The following PJA2 variants were observed in gnomAD, a reference collection of about 807,000 sequenced individuals.
PJA2 encodes praja ring finger ubiquitin ligase 2.
In PJA2, 25 loss-of-function variants were observed where a neutral mutation model predicts 69.3. The ratio of observed to expected loss-of-function variants is 0.36; its 90% CI spans 0.26 to 0.50. PJA2 has a LOEUF of 0.50. Ranked by LOEUF, PJA2 falls within the 20% of genes least tolerant of loss-of-function variation. The pLI is 0.96. For synonymous variants in PJA2, 308 were observed against 277.8 expected, an observed-to-expected ratio of 1.11 and a Z score of -1.08; for missense variants, 809 against 830.2, an observed-to-expected ratio of 0.97 and a Z score of 0.31.
At chr5:109,408,048 G>A (rs563242525) in intron 1 of PJA2, among the ~76,000 whole-genome samples, 2 of 152,208 alleles carry the variant, frequency 1.3e-5, no homozygotes, top group South Asian at 2.1e-4. Flanking sequence ...GTAATAAAGA[G>A]GGAGAAAGGG....
intron 4 of PJA2, among the ~76,000 whole-genome samples, chr5:109,373,631 T>C (rs1020608026): frequency 1.3e-5 from 2 of 152,186 alleles, no homozygotes; most frequent in Non-Finnish European, 2.9e-5. Flanking sequence ...CCATTTGTTC[T>C]AGATTTTAAA....
At chr5:109,341,339 C>G (rs2126984521) in intron 9 of PJA2, among the ~76,000 whole-genome samples, 1 of 150,584 alleles carries the variant, frequency 6.6e-6, no homozygotes, top group East Asian at 2.0e-4. Context: ...GAGACCCCGT[C>G]TGGGAGGTGA....
In PJA2 at chr5:109,337,148, T is replaced by C; in HGVS notation, c.*83A>G. 2 of 1,281,702 alleles carry C rather than the reference T, an allele frequency of 1.6e-6. No homozygotes were observed. The highest frequency in any genetic ancestry group is 1.6e-5 in the African/African-American group (1 of 63,842). The allele number at this position is 1,281,702 out of a possible 1,614,324, so 79.4% of individuals were successfully genotyped here. A position where few individuals can be genotyped will look rare whatever the true frequency, so the allele number is the denominator to read the frequency against. ...TATATATAGCATTTTTAAATATATT[T>C]ATATATAATTATTTGCACATGAAAT... On this transcript the variant is annotated 3_prime_UTR_variant, in exon 10 of 10. Coordinates refer to ENST00000361189, the MANE Select transcript of PJA2 (RefSeq NM_014819.5).
chr5:109,405,725 C>A (rs1457082772), intron 1 of PJA2, among the ~76,000 whole-genome samples: 1 of 152,162 alleles, frequency 6.6e-6, no homozygotes, highest in Non-Finnish European at 1.5e-5. Flanking sequence ...ACACCATATA[C>A]AAAAACTAAC....
chr5:109,355,321 T>C (rs1762396522), intron 7 of PJA2, among the ~76,000 whole-genome samples: 2 of 152,200 alleles, frequency 1.3e-5, no homozygotes, highest in Non-Finnish European at 2.9e-5. Flanking sequence ...TGAAATCCAC[T>C]GGTACAGTAG....
intron 7 of PJA2, among the ~76,000 whole-genome samples, chr5:109,347,913 G>C (rs1471337148): frequency 6.6e-6 from 1 of 151,944 alleles, no homozygotes; most frequent in African/African-American, 2.4e-5. Context: ...CTCTCTCTTG[G>C]GACTGAACTC....
chr5:109,355,873 A>G, intron 7 of PJA2, 42 bp downstream of exon 7: 4 of 1,358,160 alleles, frequency 2.9e-6, no homozygotes, highest in South Asian at 1.2e-5. Flanking sequence ...ATCATTTTGT[A>G]TCCCATCAAC....
At chr5:109,338,377 T>G (rs1038568857) in intron 9 of PJA2, among the ~76,000 whole-genome samples, 1 of 152,178 alleles carries the variant, frequency 6.6e-6, no homozygotes, top group Non-Finnish European at 1.5e-5. Flanking sequence ...CGGTGGCTCA[T>G]GCCTGTAATC....
chr5:109,390,240 A>G (rs997302896), intron 1 of PJA2, among the ~76,000 whole-genome samples: 1 of 151,956 alleles, frequency 6.6e-6, no homozygotes, highest in Non-Finnish European at 1.5e-5. Flanking sequence ...TAGCTATTTT[A>G]GCTTCTGTCT....
intron 1 of PJA2, among the ~76,000 whole-genome samples, chr5:109,407,593 T>C (rs949258053): frequency 6.6e-6 from 1 of 152,110 alleles, no homozygotes; most frequent in East Asian, 1.9e-4. Flanking sequence ...GAAAAACACA[T>C]AAGTTATAAA....
intron 1 of PJA2, among the ~76,000 whole-genome samples, chr5:109,398,203 TG>T (rs1747461350): frequency 6.6e-6 from 1 of 152,216 alleles, no homozygotes; most frequent in Non-Finnish European, 1.5e-5. Flanking sequence ...TCAACCATTG[TG>T]GAAGACAGTG....
intron 1 of PJA2, among the ~76,000 whole-genome samples, chr5:109,401,458 C>CA (rs946564079): frequency 9.6e-5 from 14 of 146,086 alleles, no homozygotes; most frequent in South Asian, 2.2e-4. Flanking sequence ...GACCTTGTCT[C>CA]AAAAAAAAAC....
chr5:109,353,414 G>A (rs1271629132), intron 7 of PJA2, among the ~76,000 whole-genome samples: 12 of 119,478 alleles, frequency 1.0e-4, no homozygotes, highest in African/African-American at 3.5e-4. Context: ...TATATCTATA[G>A]ACATCTATAT....
chr5:109,398,985 G>C (rs1373529819), intron 1 of PJA2, among the ~76,000 whole-genome samples: 1 of 152,074 alleles, frequency 6.6e-6, no homozygotes, highest in Non-Finnish European at 1.5e-5. Context: ...GCCAAGGTGG[G>C]AGGATCACCT....
intron 1 of PJA2, among the ~76,000 whole-genome samples, chr5:109,395,769 CCAG>C (rs1408199998): frequency 6.6e-6 from 1 of 151,858 alleles, no homozygotes; most frequent in Non-Finnish European, 1.5e-5. Flanking sequence ...GAGGCCGAGG[CCAG>C]CAGATCACAT....
intron 1 of PJA2, among the ~76,000 whole-genome samples, chr5:109,402,029 T>C (rs1051063920): frequency 2.0e-4 from 30 of 152,304 alleles, no homozygotes; most frequent in African/African-American, 7.2e-4. Flanking sequence ...AAATGTGGTA[T>C]AGTATTGCTT....
intron 3 of PJA2, among the ~76,000 whole-genome samples, chr5:109,379,465 C>G (rs529119386): frequency 6.6e-6 from 1 of 152,286 alleles, no homozygotes; most frequent in East Asian, 1.9e-4. Context: ...CTTTCACTAT[C>G]ATCTCCCTCA....
chr5:109,372,923 A>AAAAGAAAGAAAG (rs781469134), intron 4 of PJA2, among the ~76,000 whole-genome samples: 10 of 136,880 alleles, frequency 7.3e-5, no homozygotes, highest in African/African-American at 2.8e-4. Flanking sequence ...AAAAAAAAAA[A>AAAAGAAAGAAAG]AAAGAAAGAA....
chr5:109,341,629 G>A (rs1582579651), intron 9 of PJA2, among the ~76,000 whole-genome samples: 4 of 85,436 alleles, frequency 4.7e-5, no homozygotes, highest in East Asian at 6.8e-4. Flanking sequence ...CTGGCCAGCC[G>A]CCCCGTCCGG....
Sources: gnomAD v4.1 joint callset for allele counts (sites outside exome capture counted in the v4.1 genomes callset) on GRCh38, gnomAD v4.1.1 for gene constraint, MANE v1.5 for transcripts, NCBI Gene and HGNC (gene_info 2026-07-23, HGNC 2026-07-21) for gene names.